Variants in PATJ observed in about 807,000 individuals in gnomAD.
PATJ encodes inaD-like protein.
PATJ carries 190 observed loss-of-function variants against 224.9 expected under a neutral mutation model. The ratio of observed to expected loss-of-function variants is 0.84; its 90% CI spans 0.75 to 0.95. The LOEUF is 0.95. PATJ is among the 40% of genes least tolerant of loss of function. The pLI is 0.00. For synonymous variants in PATJ, 769 were observed against 820.3 expected (o/e 0.94, Z 1.07); for missense variants, 2,121 against 2,270.3 (o/e 0.93, Z 1.34).
chr1:61,979,805 G>C (rs1461169927), intron 27 of PATJ, among the ~76,000 whole-genome samples: 1 of 152,048 alleles, frequency 6.6e-6, no homozygotes, highest in African/African-American at 2.4e-5. Flanking sequence ...CCATGGAGTG[G>C]TAAGATTGGA....
intron 31 of PATJ, among the ~76,000 whole-genome samples, chr1:62,059,899 A>AAAATGATTCTCAG (rs1655140542): frequency 6.6e-6 from 1 of 152,128 alleles, no homozygotes; most frequent in South Asian, 2.1e-4. Flanking sequence ...GGAGGAGGCA[A>AAAATGATTCTCAG]AAATGATTCT....
intron 41 of PATJ, among the ~76,000 whole-genome samples, chr1:62,135,408 C>A (rs566007770): frequency 6.7e-6 from 1 of 149,934 alleles, no homozygotes; most frequent in East Asian, 2.0e-4. Flanking sequence ...CCCAGCTACT[C>A]AGGAGGCTGA....
At chr1:61,801,899 T>A in intron 12 of PATJ, 130 bp downstream of exon 12, 1 of 578,652 alleles carries the variant, frequency 1.7e-6, no homozygotes, top group Non-Finnish European at 2.8e-6. Context: ...ATTCTTAATA[T>A]CAACTTTTTT....
intron 19 of PATJ, among the ~76,000 whole-genome samples, chr1:61,862,301 A>G (rs758728922): frequency 6.6e-6 from 1 of 151,746 alleles, no homozygotes; most frequent in Non-Finnish European, 1.5e-5. Context: ...GGTTCAAGCA[A>G]TTCTCCTGCC....
intron 27 of PATJ, among the ~76,000 whole-genome samples, chr1:61,985,770 C>G (rs1255621964): frequency 6.6e-6 from 1 of 152,022 alleles, no homozygotes; most frequent in Admixed American, 6.6e-5. Flanking sequence ...CGCCAGAGGA[C>G]TGTGTGGCTT....
At chr1:61,871,395 A>ATGTATGTG (rs1557791960) in intron 20 of PATJ, among the ~76,000 whole-genome samples, 6 of 116,028 alleles carry the variant, frequency 5.2e-5, no homozygotes, top group Non-Finnish European at 8.5e-5. Flanking sequence ...GTGTATATAT[A>ATGTATGTG]TATATGTGTA....
intron 21 of PATJ, among the ~76,000 whole-genome samples, chr1:61,876,030 G>A (rs1450569746): frequency 2.0e-5 from 3 of 152,068 alleles, no homozygotes; most frequent in African/African-American, 7.2e-5. Context: ...CCATTGTTGA[G>A]GATTTATGCT....
At chr1:61,945,403 C>CCA (rs1553214912) in intron 27 of PATJ, among the ~76,000 whole-genome samples, 1 of 144,906 alleles carries the variant, frequency 6.9e-6, no homozygotes, top group East Asian at 2.0e-4. Context: ...AAATGGAAAA[C>CCA]AAAAAAAAAA....
At chr1:61,855,426 G>C (rs1663495679) in intron 17 of PATJ, among the ~76,000 whole-genome samples, 1 of 152,048 alleles carries the variant, frequency 6.6e-6, no homozygotes, top group Non-Finnish European at 1.5e-5. Context: ...TTTGGGACAG[G>C]GTCTTGGTCT....
intron 25 of PATJ, among the ~76,000 whole-genome samples, chr1:61,909,040 C>A (rs899896482): frequency 6.6e-6 from 1 of 152,118 alleles, no homozygotes; most frequent in Non-Finnish European, 1.5e-5. Context: ...AGTGCAGTGG[C>A]ACGATCTCAG....
At chr1:61,868,600 C>G (rs567715108) in intron 20 of PATJ, among the ~76,000 whole-genome samples, 23 of 152,122 alleles carry the variant, frequency 1.5e-4, no homozygotes, top group African/African-American at 5.5e-4. Context: ...ACCAGCCTGG[C>G]CAACATGGTG....
chr1:61,864,482 A>C lies in PATJ; in HGVS notation c.2684A>C (p.Gln895Pro), dbSNP rs757339216. 12 of 1,614,008 alleles carry C rather than the reference A, an allele frequency of 7.4e-6. No individual in the cohort carries two copies. Among genetic ancestry groups the C allele is most frequent in the Admixed American group, 1.7e-5 (1 of 60,002 alleles). ...SMELYPLSHI[Q>P]EATPVPSVNE... is the part of the protein sequence containing the mutation. ...GAGTTGTATCCCTTGTCGCACATTC[A>C]AGAGGCCACTCCTGTGCCCTCTGTG... is the stretch of plus-strand genomic sequence containing the variant. The change falls in exon 20 of 44, where the codon CAA (glutamine) becomes CCA (proline). Residue 895 changes from glutamine (Q) to proline (P), a missense_variant. Transcript: ENST00000642238.
intron 43 of PATJ, among the ~76,000 whole-genome samples, chr1:62,156,462 G>A (rs1362768800): frequency 4.0e-5 from 6 of 151,880 alleles, no homozygotes; most frequent in African/African-American, 1.2e-4. Context: ...CCTGGGAGGC[G>A]GGGGTTGCAG....
At chr1:61,829,115 C>CT (rs1490798915) in intron 16 of PATJ, among the ~76,000 whole-genome samples, 1 of 152,186 alleles carries the variant, frequency 6.6e-6, no homozygotes, top group East Asian at 1.9e-4. Context: ...ACATGAGAGT[C>CT]TAACACTGTC....
intron 41 of PATJ, among the ~76,000 whole-genome samples, chr1:62,140,508 C>T (rs1463694928): frequency 1.3e-5 from 2 of 151,996 alleles, no homozygotes; most frequent in African/African-American, 4.8e-5. Context: ...CAAAAATTAG[C>T]TGTGTGTGGT....
intron 37 of PATJ, among the ~76,000 whole-genome samples, chr1:62,117,689 G>C (rs67557410): frequency 0.25 from 37,815 of 152,028 alleles, 7,304 homozygotes; most frequent in East Asian, 0.73. Flanking sequence ...GGGAGGGAGG[G>C]CTTAGTGGGT....
intron 30 of PATJ, chr1:62,038,665 A>G (rs1650894204): frequency 4.1e-6 from 1 of 243,846 alleles, no homozygotes; most frequent in African/African-American, 2.3e-5. Flanking sequence ...CTACCTCCCT[A>G]AGGAAGTTAA....
chr1:61,883,877 T>A (rs1330320008), intron 21 of PATJ, among the ~76,000 whole-genome samples: 14 of 116,530 alleles, frequency 1.2e-4, no homozygotes, highest in Admixed American at 2.6e-4. Context: ...TTTTTTTTTT[T>A]AAATCAGTGA....
At chr1:62,118,447 A>G (rs916563794) in intron 37 of PATJ, among the ~76,000 whole-genome samples, 17 of 152,226 alleles carry the variant, frequency 1.1e-4, no homozygotes, top group Non-Finnish European at 2.1e-4. Context: ...CTCACTCCAA[A>G]TGGAGTTTGG....
Sources: allele counts gnomAD v4.1 joint callset (sites outside exome capture counted in the v4.1 genomes callset), GRCh38; gene constraint gnomAD v4.1.1; transcripts MANE v1.5; gene names NCBI Gene and HGNC (gene_info 2026-07-23, HGNC 2026-07-21).